The following KIAA1614 variants were observed in gnomAD, a reference collection of about 807,000 sequenced individuals.
The protein encoded by KIAA1614 is uncharacterized protein KIAA1614.
KIAA1614 carries 76 observed loss-of-function variants against 88.7 expected under a neutral mutation model. The ratio of observed to expected loss-of-function variants is 0.86; its 90% CI spans 0.71 to 1.04. The LOEUF (loss-of-function observed/expected upper bound fraction) is 1.04, where lower values mean the gene tolerates loss of function less well. Among genes scored for constraint, KIAA1614 ranks in the 50% least tolerant of loss-of-function variants. The probability of loss-of-function intolerance (pLI) is 0.00; values close to 1 mark genes in which losing one functional copy is unlikely to be tolerated. For missense variants in KIAA1614, 1,553 were observed against 1,582.5 expected (o/e 0.98, Z 0.32); for synonymous variants, 714 against 675.5 (o/e 1.06, Z -0.88).
chr1:180,936,192 A>G lies in KIAA1614; in HGVS notation c.2283A>G (p.Gly761=). 6.2e-7 allele frequency: 1 copy of G among 1,614,110 alleles called. No homozygotes were observed. Among genetic ancestry groups the G allele is most frequent in the Non-Finnish European group, 8.5e-7 (1 of 1,179,984 alleles). The change falls in exon 5 of 9, where the codon GGA becomes GGG. Residue 761 remains glycine (G), a synonymous_variant. Transcript: ENST00000367588. ...TGACGCCTGAATCATCGGGGCCAGG[A>G]GGCCAGGCCCAGGTTACAGAAAGCC... The part of the protein sequence containing the change: ...APMTPESSGP[G]GQAQVTESHE...
chr1:180,925,466 T>G (rs1195461791), intron 3 of KIAA1614, among the ~76,000 whole-genome samples: 2 of 152,250 alleles, frequency 1.3e-5, no homozygotes, highest in Non-Finnish European at 2.9e-5. Context: ...TCCCAGTTAT[T>G]TCCCCATCCA....
chr1:180,917,024 G>A lies in KIAA1614; in HGVS notation c.921G>A (p.Met307Ile), dbSNP rs1202760301. 1 of 1,613,956 alleles carries A rather than the reference G, an allele frequency of 6.2e-7. No homozygotes were observed. The highest frequency in any genetic ancestry group is 8.5e-7 in the Non-Finnish European group (1 of 1,180,042). Reference protein sequence around the residue: ...VERNRLLLQEMLNVSGQSPRK... With the variant: ...VERNRLLLQEILNVSGQSPRK... ...GAAACCGCCTGTTGCTGCAGGAGAT[G>A]CTCAACGTTTCTGGGCAGAGCCCCC... The change falls in exon 2 of 9, where the codon ATG becomes ATA. Residue 307 changes from methionine to isoleucine, a missense_variant. Met to Ile is a conservative substitution (Grantham distance 10). Coordinates refer to ENST00000367588, the MANE Select transcript of KIAA1614 (RefSeq NM_020950.2).
At chr1:180,914,930 G>C (rs1653744427) in intron 1 of KIAA1614, among the ~76,000 whole-genome samples, 1 of 151,018 alleles carries the variant, frequency 6.6e-6, no homozygotes, top group Non-Finnish European at 1.5e-5. Flanking sequence ...GCCTCCCAAA[G>C]TGCTGGGATT....
chr1:180,921,994 C>T (rs549058612), intron 3 of KIAA1614, among the ~76,000 whole-genome samples: 15 of 152,340 alleles, frequency 9.8e-5, no homozygotes, highest in African/African-American at 2.9e-4. Context: ...GTGAGGAGCA[C>T]AGCAATCAGG....
At position 180,917,105 on chromosome 1, in the gene KIAA1614, A is replaced by G. The variant is rs1441037174; in HGVS notation, c.997+5A>G. 9.9e-6 allele frequency: 16 copies of G among 1,610,274 alleles called. No homozygotes were observed. The highest frequency in any genetic ancestry group is 1.4e-5 in the Non-Finnish European group (16 of 1,178,064). On this transcript the variant is annotated splice_donor_5th_base_variant and intron_variant, in intron 2 of 8. Coordinates refer to ENST00000367588, the MANE Select transcript of KIAA1614 (RefSeq NM_020950.2). ...CCTGGGACACAGCTGCACCAGGTGAAGCTCACTGTGTAGGTCCAGGTGGTG... is the reference window on the plus strand; with the variant it reads ...CCTGGGACACAGCTGCACCAGGTGAGGCTCACTGTGTAGGTCCAGGTGGTG...
At position 180,916,896 on chromosome 1, in the gene KIAA1614, T is replaced by C; in HGVS notation, c.793T>C (p.Phe265Leu). Reference sequence around the variant, plus strand: ...CACATCCCTGACCTCCGAGGAGGTCTTTGTCCCCAGGACGGCCCTGCTGGG... The same window carrying C: ...CACATCCCTGACCTCCGAGGAGGTCCTTGTCCCCAGGACGGCCCTGCTGGG... ...DSTSLTSEEVFVPRTALLGER... is the reference protein window; with the variant it reads ...DSTSLTSEEVLVPRTALLGER... The change falls in exon 2 of 9, where the codon TTT becomes CTT. Residue 265 changes from phenylalanine (F) to leucine (L), a missense_variant. Phe to Leu is a conservative substitution (Grantham distance 22, BLOSUM62 0). Transcript: ENST00000367588. 6.2e-7 allele frequency: 1 copy of C among 1,614,194 alleles called. No homozygotes were observed. Among genetic ancestry groups the C allele is most frequent in the Non-Finnish European group, 8.5e-7 (1 of 1,180,032 alleles).
At chr1:180,944,746 G>T (rs547672997) in intron 8 of KIAA1614, 7 of 399,016 alleles carry the variant, frequency 1.8e-5, no homozygotes, top group South Asian at 1.5e-4. Context: ...GTCGCTGGAG[G>T]GGGTAGAGTT....
intron 4 of KIAA1614, among the ~76,000 whole-genome samples, chr1:180,929,550 A>G (rs1375137803): frequency 6.6e-6 from 1 of 152,228 alleles, no homozygotes; most frequent in African/African-American, 2.4e-5. Context: ...GTGGTAAGGT[A>G]GGAAAACAAC....
At chr1:180,929,466 T>C (rs1378227632) in intron 4 of KIAA1614, among the ~76,000 whole-genome samples, 1 of 152,140 alleles carries the variant, frequency 6.6e-6, no homozygotes, top group African/African-American at 2.4e-5. Context: ...GGCAGTTGGA[T>C]ACAGGATCTT....
Position 180,935,471 on chromosome 1 carries a change from GC to G in KIAA1614, c.1563del (p.Arg522GlyfsTer55). 1 of 1,472,970 alleles carries G rather than the reference GC, an allele frequency of 6.8e-7. No homozygotes were observed. Among genetic ancestry groups the G allele is most frequent in the South Asian group, 1.4e-5 (1 of 71,916 alleles). The allele number at this position is 1,472,970 out of a possible 1,614,324, so 91.2% of individuals were successfully genotyped here. A position where few individuals can be genotyped will look rare whatever the true frequency, so the allele number is the denominator to read the frequency against. On this transcript the variant is annotated frameshift_variant, in exon 5 of 9. Transcript: ENST00000367588. LOFTEE classifies it high-confidence loss of function. The surrounding 1 kb of genome is among the most constrained non-coding windows in gnomAD (Gnocchi z 6.1). Reference protein sequence around the residue: ...TFHRLVGSLDRRGHPAPPAPG... With the variant: ...TFHRLVGSLDXRGHPAPPAPG... ...CACAGGCTTGTGGGCAGCCTGGACC[GC>G]AGGGGACACCCGGCACCGCCGGCAC...
In KIAA1614 at chr1:180,916,556, G is replaced by A. The variant is rs1340561283; in HGVS notation, c.453G>A (p.Gln151=). The change falls in exon 2 of 9, where the codon CAG becomes CAA. Residue 151 remains glutamine (Q), a synonymous_variant. Coordinates refer to ENST00000367588, the MANE Select transcript of KIAA1614 (RefSeq NM_020950.2). Reference sequence around the variant, plus strand: ...GTACCCAAAACCTGCCTGATGGGCAGCTGGACGGCAGCATCAATGAGGAGC... The same window carrying A: ...GTACCCAAAACCTGCCTGATGGGCAACTGGACGGCAGCATCAATGAGGAGC... The part of the protein sequence containing the change: ...APRTQNLPDG[Q]LDGSINEEQP... The A allele has an allele frequency of 3.7e-6, 6 of 1,612,340 alleles. No homozygotes were observed. The East Asian group carries it at 1.3e-4, about 36-fold the overall frequency.
rs1261396134 is a variant in KIAA1614, at chr1:180,943,027, G to GTTTTTTTTTTTTT, written c.3160-1362_3160-1361insTTTTTTTTTTTTT. 6.7e-3 allele frequency among the ~76,000 whole-genome samples: 149 copies of GTTTTTTTTTTTTT among 22,280 alleles called. 2 individuals are homozygous for GTTTTTTTTTTTTT. Among genetic ancestry groups the GTTTTTTTTTTTTT allele is most frequent in the African/African-American group, 0.013 (137 of 10,486 alleles). The allele number at this position is 22,280 out of a possible 152,430, so 14.6% of individuals were successfully genotyped here. Reference sequence around the variant, plus strand: ...GTTTGCTGGGAGGCTTAGTTTTTTGGGTTTTTTTTTTTTTTTTAAGATGGA... The same window carrying GTTTTTTTTTTTTT: ...GTTTGCTGGGAGGCTTAGTTTTTTGGTTTTTTTTTTTTTGTTTTTTTTTTTTTTTTAAGATGGA... On this transcript the variant is annotated intron_variant, in intron 7 of 8. Coordinates refer to ENST00000367588, the MANE Select transcript of KIAA1614 (RefSeq NM_020950.2).
chr1:180,915,395 G>T (rs113743578), intron 1 of KIAA1614, among the ~76,000 whole-genome samples: 1 of 152,108 alleles, frequency 6.6e-6, no homozygotes, highest in African/African-American at 2.4e-5. Context: ...TAGCAGATGC[G>T]GGCATCCTCC....
intron 4 of KIAA1614, among the ~76,000 whole-genome samples, chr1:180,934,854 C>T (rs1183903998): frequency 6.6e-6 from 1 of 152,202 alleles, no homozygotes; most frequent in Non-Finnish European, 1.5e-5. Context: ...TCAGGCTGAG[C>T]CATGCAAGAG....
intron 6 of KIAA1614, among the ~76,000 whole-genome samples, chr1:180,939,606 C>T (rs1021274631): frequency 6.6e-6 from 1 of 152,140 alleles, no homozygotes. Flanking sequence ...CAATTCTAGT[C>T]GCCCCTACCT....
At chr1:180,930,197 A>G (rs1005338700) in intron 4 of KIAA1614, among the ~76,000 whole-genome samples, 3 of 152,160 alleles carry the variant, frequency 2.0e-5, no homozygotes, top group Non-Finnish European at 2.9e-5. Flanking sequence ...AGGCGGGCGG[A>G]TAATGAGGTC....
chr1:180,943,548 A>ATTTTTTTTTTTTTTTTTTTTTTTTT lies in KIAA1614; in HGVS notation c.3160-840_3160-839insTTTTTTTTTTTTTTTTTTTTTTTTT, dbSNP rs201999726. Among the ~76,000 whole-genome samples the ATTTTTTTTTTTTTTTTTTTTTTTTT allele has an allele frequency of 2.2e-3, 161 of 74,808 alleles. 28 individuals are homozygous for ATTTTTTTTTTTTTTTTTTTTTTTTT. The highest frequency in any genetic ancestry group is 4.2e-3 in the African/African-American group (75 of 17,704). The allele number at this position is 74,808 out of a possible 152,430, so 49.1% of individuals were successfully genotyped here. On this transcript the variant is annotated intron_variant, in intron 7 of 8. Coordinates refer to ENST00000367588, the MANE Select transcript of KIAA1614 (RefSeq NM_020950.2). The stretch of plus-strand genomic sequence containing the variant: ...GGATTGTAGGATTGAATGGTAGTAG[A>ATTTTTTTTTTTTTTTTTTTTTTTTT]TCTTTTTTTTTTTTTTTTGAGACAG...
rs765094243 is a variant in KIAA1614 at position 180,916,319 on chromosome 1, A to ATGGCCC, written c.219_220insCCCTGG (p.Trp73_Gly74insProTrp). ...TGATGGCCCCCCAGCCTCCCAGGGT[A>ATGGCCC]TGGGGAGTACAGCTCCAGGGCCCCT... On this transcript the variant is annotated inframe_insertion, in exon 2 of 9. Coordinates refer to ENST00000367588, the MANE Select transcript of KIAA1614 (RefSeq NM_020950.2). The ATGGCCC allele has an allele frequency of 6.2e-7, 1 of 1,614,038 alleles. No individual in the cohort carries two copies. Among genetic ancestry groups the ATGGCCC allele is most frequent in the East Asian group, 2.2e-5 (1 of 44,878 alleles).
chr1:180,932,210 C>T (rs529330945), intron 4 of KIAA1614, among the ~76,000 whole-genome samples: 4 of 152,150 alleles, frequency 2.6e-5, no homozygotes, highest in East Asian at 3.9e-4. Flanking sequence ...GGCCTCCCGA[C>T]GACCATATTG....
Sources: gnomAD v4.1 joint callset for allele counts (sites outside exome capture counted in the v4.1 genomes callset) on GRCh38, gnomAD v4.1.1 for gene constraint, Gnocchi (gnomAD v3.1) non-coding constraint, MANE v1.5 for transcripts, NCBI Gene and HGNC (gene_info 2026-07-23, HGNC 2026-07-21) for gene names.